The following PDZD9 variants were observed in gnomAD, a reference collection of about 807,000 sequenced individuals.
PDZD9 encodes PDZ domain containing 9.
In PDZD9, 13 loss-of-function variants were observed where a neutral mutation model predicts 16.3. That is an observed-to-expected ratio of 0.80 (90% CI 0.52 to 1.27). The LOEUF (loss-of-function observed/expected upper bound fraction) is 1.27. Ranked by LOEUF, PDZD9 falls within the 50% of genes most tolerant of loss-of-function variation. The pLI is 0.00. For missense variants in PDZD9, 288 were observed against 310.9 expected (o/e 0.93, Z 0.55); for synonymous variants, 120 against 111.0 (o/e 1.08, Z -0.51).
At chr16:21,970,454 T>C in the PDZD9 span, among the ~76,000 whole-genome samples, 1 of 152,252 alleles carries the variant, frequency 6.6e-6, no homozygotes, top group Non-Finnish European at 1.5e-5. Context: ...CCAACACTTA[T>C]CGTCTGTCTT....
chr16:21,986,681 C>T (rs1898884254), intron 3 of PDZD9, among the ~76,000 whole-genome samples: 1 of 152,164 alleles, frequency 6.6e-6, no homozygotes, highest in Non-Finnish European at 1.5e-5. Flanking sequence ...GACTCAGTCC[C>T]TGCCTTGATG....
intron 3 of PDZD9, among the ~76,000 whole-genome samples, chr16:21,986,069 C>T (rs1023195956): frequency 2.0e-5 from 3 of 152,016 alleles, no homozygotes; most frequent in Non-Finnish European, 4.4e-5. Context: ...CACAACCCTG[C>T]AGAGGTCAGG....
At chr16:21,982,589 C>A (rs190637935), downstream of PDZD9, among the ~76,000 whole-genome samples, 1 of 152,230 alleles carries the variant, frequency 6.6e-6, no homozygotes, top group East Asian at 1.9e-4. Context: ...TAAGCTTTTC[C>A]TCCCACACTG....
intron 3 of PDZD9, 98 bp from the exon 4 acceptor site, chr16:21,984,758 G>GATACAATTT (rs1409897640): frequency 1.1e-6 from 1 of 917,982 alleles, no homozygotes; most frequent in East Asian, 3.0e-5. Flanking sequence ...ACTCATAAAA[G>GATACAATTT]ATACAATTTA....
chr16:21,961,898 C>A, the PDZD9 span, among the ~76,000 whole-genome samples: 1 of 151,828 alleles, frequency 6.6e-6, no homozygotes, highest in South Asian at 2.1e-4. Flanking sequence ...AGTGATCCGC[C>A]CACCTCGGCC....
At chr16:21,990,853 T>A (rs767234685) in intron 2 of PDZD9, among the ~76,000 whole-genome samples, 3 of 152,216 alleles carry the variant, frequency 2.0e-5, no homozygotes, top group Non-Finnish European at 4.4e-5. Flanking sequence ...AGCATGTGAA[T>A]GTGATTACTC....
chr16:21,976,489 T>C, the PDZD9 span: 1 of 384,028 alleles, frequency 2.6e-6, no homozygotes, highest in African/African-American at 2.1e-5. Context: ...ACCAGGAGTT[T>C]GAGACCAGCT....
At chr16:21,987,393 C>T (rs1358750492) in intron 3 of PDZD9, among the ~76,000 whole-genome samples, 1 of 152,058 alleles carries the variant, frequency 6.6e-6, no homozygotes, top group Non-Finnish European at 1.5e-5. Context: ...ACACTCCAGC[C>T]TGGGTGACAA....
chr16:21,977,678 G>A, the PDZD9 span, among the ~76,000 whole-genome samples: 1 of 152,204 alleles, frequency 6.6e-6, no homozygotes, highest in Non-Finnish European at 1.5e-5. Context: ...AGCCGCTTAA[G>A]ACATTTAAGT....
At chr16:21,995,579 T>C (rs1899127898) in intron 2 of PDZD9, among the ~76,000 whole-genome samples, 1 of 152,064 alleles carries the variant, frequency 6.6e-6, no homozygotes, top group South Asian at 2.1e-4. Flanking sequence ...GGCTGGCCCA[T>C]AGAAAGTTCT....
chr16:21,981,544 A>G (rs1173333082), downstream of PDZD9, among the ~76,000 whole-genome samples: 1 of 152,044 alleles, frequency 6.6e-6, no homozygotes, highest in African/African-American at 2.4e-5. Flanking sequence ...GCTTGAGCCC[A>G]GGAGTTCAAT....
intron 1 of PDZD9, chr16:21,999,415 G>A: frequency 6.1e-6 from 1 of 163,740 alleles, no homozygotes; most frequent in Non-Finnish European, 1.4e-5. Context: ...TCCTCGGAGA[G>A]CCAGACCCCA....
intron 3 of PDZD9, among the ~76,000 whole-genome samples, chr16:21,987,486 T>C (rs913387527): frequency 1.3e-5 from 2 of 151,960 alleles, no homozygotes; most frequent in Non-Finnish European, 2.9e-5. Context: ...TGGATAGTCA[T>C]AGAAACCACA....
the PDZD9 span, among the ~76,000 whole-genome samples, chr16:21,969,594 C>T: frequency 1.3e-5 from 2 of 152,146 alleles, no homozygotes; most frequent in Non-Finnish European, 2.9e-5. Context: ...ATTTGTCTTA[C>T]AGAAACATTA....
chr16:21,967,374 C>A, the PDZD9 span, among the ~76,000 whole-genome samples: 1 of 152,000 alleles, frequency 6.6e-6, no homozygotes, highest in African/African-American at 2.4e-5. Flanking sequence ...AAACCTCTTA[C>A]TTTTAATACC....
the PDZD9 span, among the ~76,000 whole-genome samples, chr16:21,960,411 C>T: frequency 6.6e-6 from 1 of 152,198 alleles, no homozygotes; most frequent in Non-Finnish European, 1.5e-5. Context: ...TAGGGCATTG[C>T]TCTGGATTAA....
the PDZD9 span, chr16:21,968,804 A>T: frequency 1.3e-6 from 1 of 762,166 alleles, no homozygotes. Flanking sequence ...TATTTATGTC[A>T]GACAGGCAAT....
downstream of PDZD9, chr16:21,983,005 T>C: frequency 7.7e-7 from 1 of 1,294,030 alleles, no homozygotes; most frequent in South Asian, 1.4e-5. Context: ...CCATAAATTC[T>C]TGAAATGACA....
At chr16:21,978,457 G>A in the PDZD9 span, among the ~76,000 whole-genome samples, 1 of 152,164 alleles carries the variant, frequency 6.6e-6, no homozygotes, top group Non-Finnish European at 1.5e-5. Flanking sequence ...TATTTCAAGT[G>A]GATGCTTTTG....
Sources: gnomAD v4.1 joint callset for allele counts (sites outside exome capture counted in the v4.1 genomes callset) on GRCh38, gnomAD v4.1.1 for gene constraint, MANE v1.5 for transcripts, NCBI Gene and HGNC (gene_info 2026-07-23, HGNC 2026-07-21) for gene names.